Variants in NR3C2 observed in about 807,000 individuals in gnomAD.
The protein encoded by NR3C2 is mineralocorticoid receptor.
Under a neutral mutation model 86.4 loss-of-function variants are expected in NR3C2, and 15 were observed. The observed-to-expected ratio is 0.17, with a 90% CI of 0.12 to 0.27. The LOEUF is 0.27. Among genes scored for constraint, NR3C2 ranks in the 10% least tolerant of loss-of-function variants. The pLI is 1.00. For missense variants in NR3C2, 960 were observed against 1,195.6 expected (o/e 0.80, Z 2.91); for synonymous variants, 458 against 450.5 (o/e 1.02, Z -0.21).
intron 2 of NR3C2, among the ~76,000 whole-genome samples, chr4:148,369,111 T>C (rs1054738711): frequency 1.3e-5 from 2 of 152,236 alleles, no homozygotes; most frequent in South Asian, 2.1e-4. Context: ...CTGGTCACAC[T>C]TGGCAACTAC....
rs147853204 is a variant in NR3C2 at position 148,294,893 on chromosome 4, C to A, written c.1758-34776G>T. The stretch of plus-strand genomic sequence containing the variant: ...GTCCCAGCTACTAAAGAGGCTGAGA[C>A]AGGAGGATTGCTTGAGCCTAGGAGT... On this transcript the variant is annotated intron_variant, in intron 2 of 8. Coordinates refer to ENST00000358102, the MANE Select transcript of NR3C2 (RefSeq NM_000901.5). Among the ~76,000 whole-genome samples, 651 of 152,164 alleles carry A rather than the reference C, an allele frequency of 4.3e-3. 5 individuals carry two copies. Among genetic ancestry groups the A allele is most frequent in the African/African-American group, 0.015 (615 of 41,550 alleles).
At chr4:148,445,036 A>G (rs1303102671), upstream of NR3C2, 1 of 978,598 alleles carries the variant, frequency 1.0e-6, no homozygotes, top group South Asian at 4.7e-5. Context: ...GAGCGGGAGG[A>G]GGCGGCACCG....
chr4:148,160,398 T>C (rs1302897925), intron 4 of NR3C2, among the ~76,000 whole-genome samples: 1 of 152,112 alleles, frequency 6.6e-6, no homozygotes, highest in Non-Finnish European at 1.5e-5. Flanking sequence ...TGCTTTGCTC[T>C]ACCCTCCTGA....
chr4:148,160,590 C>A (rs896696582), intron 4 of NR3C2, among the ~76,000 whole-genome samples: 2 of 152,018 alleles, frequency 1.3e-5, no homozygotes, highest in Non-Finnish European at 2.9e-5. Context: ...TGTTCAATTA[C>A]AATATTTCAT....
At chr4:148,370,366 T>G (rs1392883965) in intron 2 of NR3C2, among the ~76,000 whole-genome samples, 2 of 152,170 alleles carry the variant, frequency 1.3e-5, no homozygotes, top group Admixed American at 1.3e-4. Flanking sequence ...TTAGGATAAT[T>G]CAACAGTAAA....
At chr4:148,352,079 T>G (rs1745309388) in intron 2 of NR3C2, among the ~76,000 whole-genome samples, 1 of 152,196 alleles carries the variant, frequency 6.6e-6, no homozygotes, top group African/African-American at 2.4e-5. Flanking sequence ...GGAGAAGGGC[T>G]GATAGAGAAA....
At position 148,360,941 on chromosome 4, in the gene NR3C2, T is replaced by C. The variant is rs116654972; in HGVS notation, c.1757+74163A>G. The stretch of plus-strand genomic sequence containing the variant: ...TAAAGTGTATGACTGGCCACAGCTG[T>C]CACCCTCATAGACTGCCTCCTCAGG... On this transcript the variant is annotated intron_variant, in intron 2 of 8. Coordinates refer to ENST00000358102, the MANE Select transcript of NR3C2 (RefSeq NM_000901.5). Among the ~76,000 whole-genome samples, 450 of 152,298 alleles carry C rather than the reference T, an allele frequency of 3.0e-3. 1 individual carries two copies. Among genetic ancestry groups the C allele is most frequent in the African/African-American group, 9.7e-3 (403 of 41,562 alleles).
At chr4:148,309,948 AGC>A (rs1742825958) in intron 2 of NR3C2, among the ~76,000 whole-genome samples, 1 of 152,164 alleles carries the variant, frequency 6.6e-6, no homozygotes, top group Non-Finnish European at 1.5e-5. Flanking sequence ...ATAATAAATG[AGC>A]AAACAAAAAA....
chr4:148,227,347 T>C lies in NR3C2; in HGVS notation c.1898-32485A>G, dbSNP rs1342991807. 2.0e-5 allele frequency among the ~76,000 whole-genome samples: 3 copies of C among 152,188 alleles called. No homozygotes were observed. The East Asian group carries it at 5.8e-4, about 29-fold the overall frequency. On this transcript the variant is annotated intron_variant, in intron 3 of 8. Coordinates refer to ENST00000358102, the MANE Select transcript of NR3C2 (RefSeq NM_000901.5). ...AAGAGTGACGTTCTACCCTTCTCAG[T>C]GCACAATTCCAGGTGGTACATGATA...
Position 148,239,690 on chromosome 4 carries a change from G to A in NR3C2, c.1897+20288C>T, listed in dbSNP as rs559046634. On this transcript the variant is annotated intron_variant, in intron 3 of 8. Transcript: ENST00000358102. ...ATAAGCTCATTATATCTGGCTGTAA[G>A]AAGCGGTATGAGGTCCACAGTTTAT... 4.6e-5 allele frequency among the ~76,000 whole-genome samples: 7 copies of A among 152,334 alleles called. No individual in the cohort carries two copies. The South Asian group carries it at 1.2e-3, about 27-fold the overall frequency.
At chr4:148,117,976 T>C (rs1732346534) in intron 7 of NR3C2, among the ~76,000 whole-genome samples, 1 of 152,176 alleles carries the variant, frequency 6.6e-6, no homozygotes, top group South Asian at 2.1e-4. Flanking sequence ...TCTTAACATC[T>C]GGAACATTTC....
chr4:148,271,266 G>C (rs1740670337), intron 2 of NR3C2, among the ~76,000 whole-genome samples: 1 of 152,010 alleles, frequency 6.6e-6, no homozygotes, highest in Non-Finnish European at 1.5e-5. Flanking sequence ...CACTTTTCAA[G>C]GGAAAATGCT....
chr4:148,365,483 G>A (rs1328621123), intron 2 of NR3C2, among the ~76,000 whole-genome samples: 1 of 152,106 alleles, frequency 6.6e-6, no homozygotes, highest in East Asian at 1.9e-4. Flanking sequence ...TCTTTTGGCA[G>A]CCTGATAAAG....
At chr4:148,236,743 A>C (rs1379587322) in intron 3 of NR3C2, among the ~76,000 whole-genome samples, 2 of 152,186 alleles carry the variant, frequency 1.3e-5, no homozygotes, top group African/African-American at 4.8e-5. Context: ...CATTATCCAA[A>C]CACTTTACAG....
intron 6 of NR3C2, among the ~76,000 whole-genome samples, chr4:148,137,793 C>T (rs1029572259): frequency 2.6e-5 from 4 of 151,894 alleles, no homozygotes; most frequent in Admixed American, 2.0e-4. Context: ...TATACCTCCC[C>T]CAAAACAACC....
At chr4:148,363,353 A>AAC (rs1203490469) in intron 2 of NR3C2, among the ~76,000 whole-genome samples, 1 of 152,204 alleles carries the variant, frequency 6.6e-6, no homozygotes, top group Admixed American at 6.5e-5. Flanking sequence ...GACCTGTCAG[A>AAC]ACACACCTTC....
intron 3 of NR3C2, among the ~76,000 whole-genome samples, chr4:148,220,542 G>C (rs1397003920): frequency 6.6e-6 from 1 of 152,172 alleles, no homozygotes; most frequent in Non-Finnish European, 1.5e-5. Flanking sequence ...ATGGTGGCTC[G>C]TGCCTGTAAT....
chr4:148,403,816 T>C (rs1748281907), intron 2 of NR3C2, among the ~76,000 whole-genome samples: 1 of 152,094 alleles, frequency 6.6e-6, no homozygotes, highest in Non-Finnish European at 1.5e-5. Context: ...TGAAGGTATG[T>C]TTTTGGAAGT....
chr4:148,180,169 C>T (rs1236481148), intron 4 of NR3C2, among the ~76,000 whole-genome samples: 1 of 151,774 alleles, frequency 6.6e-6, no homozygotes, highest in East Asian at 1.9e-4. Context: ...TGTAATTTCT[C>T]TCACCAGACC....
Sources: allele counts gnomAD v4.1 joint callset (sites outside exome capture counted in the v4.1 genomes callset), GRCh38; gene constraint gnomAD v4.1.1; transcripts MANE v1.5; gene names NCBI Gene and HGNC (gene_info 2026-07-23, HGNC 2026-07-21).